HCCS: variants seen among roughly 807,000 people sequenced by gnomAD.
HCCS encodes holocytochrome c-type synthase.
HCCS carries 2 observed loss-of-function variants against 24.2 expected under a neutral mutation model. That is an observed-to-expected ratio of 0.08 (90% CI 0.03 to 0.26). HCCS has a LOEUF of 0.26. Ranked by LOEUF, HCCS falls within the 10% of genes least tolerant of loss-of-function variation. The pLI is 1.00. For missense variants in HCCS, 150 were observed against 213.3 expected (o/e 0.70, Z 1.85); for synonymous variants, 73 against 76.2 (o/e 0.96, Z 0.22).
chrX:11,120,571 C>T (rs768498490), intron 5 of HCCS, among the ~76,000 whole-genome samples: 47 of 111,174 alleles, frequency 4.2e-4, no homozygotes, highest in Admixed American at 2.8e-3. Flanking sequence ...CAAAAAGAAG[C>T]ATGATGCACA....
intron 5 of HCCS, among the ~76,000 whole-genome samples, chrX:11,120,312 A>G (rs2045482166): frequency 9.0e-6 from 1 of 111,454 alleles, no homozygotes; most frequent in Admixed American, 9.4e-5. Flanking sequence ...CCTGGTGCCT[A>G]CAGAGGGCTG....
At chrX:11,112,359 G>A (rs1399313812) in intron 2 of HCCS, among the ~76,000 whole-genome samples, 199 bp downstream of exon 2, 1 of 111,556 alleles carries the variant, frequency 9.0e-6, no homozygotes, top group Non-Finnish European at 1.9e-5. Context: ...GCTGGTGGGT[G>A]CCCGTAGTAC....
At chrX:11,118,695 C>G (rs917076259) in intron 5 of HCCS, 75 bp downstream of exon 5, 5 of 1,048,574 alleles carry the variant, frequency 4.8e-6, no homozygotes, top group Non-Finnish European at 4.0e-6. Flanking sequence ...TTTTAACATT[C>G]AAATCATTTG....
intron 5 of HCCS, 151 bp downstream of exon 5, chrX:11,118,771 T>A: frequency 3.3e-6 from 2 of 600,095 alleles, no homozygotes; most frequent in Non-Finnish European, 5.4e-6. Context: ...AGGCCACCCT[T>A]CTTAGTTGAA....
intron 5 of HCCS, chrX:11,120,104 A>T (rs2045479889): frequency 3.7e-6 from 1 of 269,127 alleles, no homozygotes; most frequent in Non-Finnish European, 7.0e-6. Flanking sequence ...TATACTTTGG[A>T]AATTTTTCTC....
chrX:11,121,119 T>C, intron 6 of HCCS, 126 bp downstream of exon 6: 1 of 572,989 alleles, frequency 1.7e-6, no homozygotes, highest in Admixed American at 2.4e-5. Context: ...CAACTGTAGA[T>C]GTCTTTCTCT....
At chrX:11,120,259 G>T (rs998721439) in intron 5 of HCCS, among the ~76,000 whole-genome samples, 4 of 111,419 alleles carry the variant, frequency 3.6e-5, no homozygotes, top group African/African-American at 1.3e-4. Context: ...CACGAGGACA[G>T]TGCTCAGAGG....
At chrX:11,120,633 G>T (rs1411020737) in intron 5 of HCCS, among the ~76,000 whole-genome samples, 1 of 110,425 alleles carries the variant, frequency 9.1e-6, no homozygotes, top group African/African-American at 3.3e-5. Flanking sequence ...CCACCAAATG[G>T]AAAGGCCCTG....
At position 11,122,269 on chromosome X, in the gene HCCS, T is replaced by C. The variant is rs1021063463; in HGVS notation, c.*459T>C. 2 of 117,945 alleles carry C rather than the reference T, an allele frequency of 1.7e-5. No homozygotes were observed. Among genetic ancestry groups the C allele is most frequent in the Non-Finnish European group, 3.5e-5 (2 of 57,080 alleles). The allele number at this position is 117,945 out of a possible 1,213,427, so 9.7% of individuals were successfully genotyped here. The stretch of plus-strand genomic sequence containing the variant: ...AAAGCTGTTCATTATAAATAAGAGG[T>C]GATTATACCTTTTTTAAAAAAAGTT... On this transcript the variant is annotated 3_prime_UTR_variant, in exon 7 of 7. Transcript: ENST00000380762.
At chrX:11,119,494 G>A (rs187530465) in intron 5 of HCCS, among the ~76,000 whole-genome samples, 1 of 112,082 alleles carries the variant, frequency 8.9e-6, no homozygotes, top group East Asian at 2.8e-4. Context: ...GCCTAGACTG[G>A]GTGTATCTAG....
intron 3 of HCCS, 108 bp downstream of exon 3, chrX:11,115,094 A>G: frequency 1.5e-6 from 1 of 665,950 alleles, no homozygotes; most frequent in Admixed American, 2.3e-5. Context: ...GTCCTTTGAA[A>G]ACAGAGAAGT....
chrX:11,122,370 C>G lies in HCCS; in HGVS notation c.*560C>G, dbSNP rs1365642377. ...CAAAGGTATACACTGGAAAGGTACT[C>G]AGCAAAATTCTCTCCAAATTCTGAT... On this transcript the variant is annotated 3_prime_UTR_variant, in exon 7 of 7. Coordinates refer to ENST00000380762, the MANE Select transcript of HCCS (RefSeq NM_005333.5). 1 of 112,722 alleles carries G rather than the reference C, an allele frequency of 8.9e-6. No homozygotes were observed. The highest frequency in any genetic ancestry group is 9.4e-5 in the Admixed American group (1 of 10,688). 9.3% of individuals were successfully genotyped at this position (112,722 alleles called of 1,213,427 possible). A position where few individuals can be genotyped will look rare whatever the true frequency, so the allele number is the denominator to read the frequency against.
intron 5 of HCCS, 100 bp from the exon 6 acceptor site, chrX:11,120,807 T>C: frequency 1.5e-6 from 1 of 656,560 alleles, no homozygotes; most frequent in South Asian, 2.2e-5. Context: ...ATGTGAAATG[T>C]ATACAGGAAA....
At chrX:11,116,047 ATAACAGC>A (rs2045445717) in intron 3 of HCCS, 1 of 112,308 alleles carries the variant, frequency 8.9e-6, no homozygotes, top group Non-Finnish European at 1.9e-5. Context: ...GAGAATGTGA[ATAACAGC>A]TAACTTTTCT....
At chrX:11,114,776 TGA>T in intron 2 of HCCS, 57 bp from the exon 3 acceptor site, 1 of 1,057,961 alleles carries the variant, frequency 9.5e-7, no homozygotes, top group Non-Finnish European at 1.3e-6. Flanking sequence ...GTGCTCCAAT[TGA>T]GAGAGTTAGA....
intron 4 of HCCS, 110 bp from the exon 5 acceptor site, chrX:11,118,391 G>T: frequency 2.7e-6 from 2 of 735,975 alleles, no homozygotes; most frequent in Non-Finnish European, 4.3e-6. Context: ...AGCATTCTTA[G>T]TTCTTTCTCA....
At position 11,120,775 on chromosome X, in the gene HCCS, C is replaced by G; in HGVS notation, c.522-132C>G. The G allele has an allele frequency of 5.3e-6, 3 of 569,716 alleles. No homozygotes were observed. The South Asian group carries it at 7.4e-5, about 14-fold the overall frequency. The allele number at this position is 569,716 out of a possible 1,213,427, so 47.0% of individuals were successfully genotyped here. A position where few individuals can be genotyped will look rare whatever the true frequency, so the allele number is the denominator to read the frequency against. The stretch of plus-strand genomic sequence containing the variant: ...TTGTTTGAATTATTTTAGAACTTAC[C>G]TTTCTCTGTAAATGTTATATTATGT... On this transcript the variant is annotated intron_variant, in intron 5 of 6. Coordinates refer to ENST00000380762, the MANE Select transcript of HCCS (RefSeq NM_005333.5).
At chrX:11,118,357 G>A in intron 4 of HCCS, 144 bp from the exon 5 acceptor site, 3 of 571,235 alleles carry the variant, frequency 5.3e-6, no homozygotes, top group Non-Finnish European at 6.0e-6. Flanking sequence ...ATGAGCCTTA[G>A]ATCTGTTAAA....
intron 4 of HCCS, among the ~76,000 whole-genome samples, chrX:11,118,020 G>GA (rs2147252144): frequency 8.9e-6 from 1 of 112,039 alleles, no homozygotes; most frequent in South Asian, 3.7e-4. Flanking sequence ...CACCCTCACA[G>GA]ACACACCCAG....
Sources: allele counts gnomAD v4.1 joint callset (sites outside exome capture counted in the v4.1 genomes callset), GRCh38; gene constraint gnomAD v4.1.1; transcripts MANE v1.5; gene names NCBI Gene and HGNC (gene_info 2026-07-23, HGNC 2026-07-21).